MAP3K5: variants seen among roughly 807,000 people sequenced by gnomAD.
The protein encoded by MAP3K5 is ASK-1.
Under a neutral mutation model 158.7 loss-of-function variants are expected in MAP3K5, and 56 were observed. That is an observed-to-expected ratio of 0.35 (90% CI 0.28 to 0.44). MAP3K5 has a LOEUF of 0.44. MAP3K5 is among the 20% of genes least tolerant of loss of function. The pLI is 1.00. For missense variants in MAP3K5, 1,294 were observed against 1,674.8 expected, an observed-to-expected ratio of 0.77 and a Z score of 3.97; for synonymous variants, 579 against 601.7, an observed-to-expected ratio of 0.96 and a Z score of 0.55.
At chr6:136,642,060 T>TAAAATAAAATA (rs1777995364) in intron 12 of MAP3K5, among the ~76,000 whole-genome samples, 1 of 140,606 alleles carries the variant, frequency 7.1e-6, no homozygotes, top group Admixed American at 6.9e-5. Context: ...TAAAATAAAA[T>TAAAATAAAATA]AAAATAAAAT....
At chr6:136,649,820 C>G (rs1000935071) in intron 11 of MAP3K5, among the ~76,000 whole-genome samples, 3 of 152,196 alleles carry the variant, frequency 2.0e-5, no homozygotes, top group Admixed American at 2.0e-4. Context: ...TTTCATTTAA[C>G]CTTCACAACA....
intron 1 of MAP3K5, among the ~76,000 whole-genome samples, chr6:136,786,867 C>T (rs1486990949): frequency 2.0e-5 from 3 of 146,686 alleles, no homozygotes; most frequent in Admixed American, 6.9e-5. Context: ...TGCAGTAGCA[C>T]GATTTCAGCT....
At chr6:136,567,513 G>A (rs1008131128) in intron 26 of MAP3K5, 118 bp downstream of exon 26, 2 of 999,338 alleles carry the variant, frequency 2.0e-6, no homozygotes, top group Non-Finnish European at 2.9e-6. Flanking sequence ...TATAAAGAAA[G>A]GCATTCAATC....
chr6:136,656,371 A>C lies in MAP3K5; in HGVS notation c.1616T>G (p.Val539Gly), dbSNP rs1778747731. 2 of 1,613,830 alleles carry C rather than the reference A, an allele frequency of 1.2e-6. No homozygotes were observed. Among genetic ancestry groups the C allele is most frequent in the Non-Finnish European group, 1.7e-6 (2 of 1,179,836 alleles). Residue 539 changes from valine (V) to glycine (G), a missense_variant, in exon 10 of 30, where the codon GTG (valine) becomes GGG (glycine). By Grantham distance (109) the Val-to-Gly change is moderately radical. Around this residue, in one of 5 missense-constraint regions of MAP3K5, gnomAD observed 690 missense variants for 870.5 expected, o/e 0.79. Coordinates refer to ENST00000359015, the MANE Select transcript of MAP3K5 (RefSeq NM_005923.4). ...TEQPVAKQEL[V>G]DFWMDFLVEA... ...GACCAGGAAATCCATCCAAAAGTCC[A>C]CAAGTTCTTGCTTGGCCACAGGCTG...
At chr6:136,583,878 G>T in intron 23 of MAP3K5, 138 bp from the exon 24 acceptor site, 1 of 700,630 alleles carries the variant, frequency 1.4e-6, no homozygotes, top group Non-Finnish European at 2.3e-6. Flanking sequence ...GCCCAGGCTG[G>T]TCTCGAACTC....
chr6:136,680,886 G>A (rs1266533489), intron 7 of MAP3K5, among the ~76,000 whole-genome samples: 1 of 152,182 alleles, frequency 6.6e-6, no homozygotes, highest in Non-Finnish European at 1.5e-5. Context: ...CTCTGCAGGG[G>A]AGGAAGGGGC....
chr6:136,721,940 C>T (rs1292552996), intron 1 of MAP3K5, among the ~76,000 whole-genome samples: 1 of 152,128 alleles, frequency 6.6e-6, no homozygotes, highest in Non-Finnish European at 1.5e-5. Context: ...ATATATGTTT[C>T]ATAACAACTT....
At chr6:136,679,361 A>G (rs1416010276) in intron 7 of MAP3K5, among the ~76,000 whole-genome samples, 1 of 152,140 alleles carries the variant, frequency 6.6e-6, no homozygotes, top group Admixed American at 6.5e-5. Context: ...AGTTCTTGCT[A>G]TTTTTCCTTG....
intron 14 of MAP3K5, chr6:136,636,968 GC>G (rs1777666112): frequency 9.7e-7 from 1 of 1,035,884 alleles, no homozygotes; most frequent in African/African-American, 1.7e-5. Context: ...CCACAAGGGT[GC>G]TATCAACCAG....
At chr6:136,709,618 C>T (rs1451828753) in intron 2 of MAP3K5, among the ~76,000 whole-genome samples, 1 of 152,208 alleles carries the variant, frequency 6.6e-6, no homozygotes, top group Non-Finnish European at 1.5e-5. Context: ...CAAATGGCCA[C>T]TACTGGCTTA....
intron 1 of MAP3K5, 37 bp from the exon 2 acceptor site, chr6:136,720,626 C>G: frequency 6.4e-7 from 1 of 1,551,428 alleles, no homozygotes; most frequent in Non-Finnish European, 8.8e-7. Context: ...AAGAATGACA[C>G]CCAAATAATG....
intron 19 of MAP3K5, among the ~76,000 whole-genome samples, chr6:136,602,659 G>A (rs1378059710): frequency 6.6e-6 from 1 of 152,118 alleles, no homozygotes; most frequent in Non-Finnish European, 1.5e-5. Flanking sequence ...CATTGTGCTG[G>A]GGTTTCTCCA....
At position 136,697,255 on chromosome 6, in the gene MAP3K5, A is replaced by T; in HGVS notation, c.939T>A (p.Ile313=). The change falls in exon 5 of 30, where the codon ATT becomes ATA. Residue 313 remains isoleucine (I), a synonymous_variant. Transcript: ENST00000359015. ...TGTAGGAAAGTAACAGATTTATGAC[A>T]ATATCTGCTGTCAAGACTTCGATAT... ...VDNIEVLTAD[I]VINLLLSYRD... is the part of the protein sequence containing the mutation. The T allele has an allele frequency of 6.2e-7, 1 of 1,613,574 alleles. No individual in the cohort carries two copies.
intron 1 of MAP3K5, among the ~76,000 whole-genome samples, chr6:136,734,421 G>GAGA (rs1554307218): frequency 7.1e-5 from 4 of 56,734 alleles, no homozygotes. Context: ...CTCTGTCTCG[G>GAGA]AAAAAAAAAA....
intron 1 of MAP3K5, among the ~76,000 whole-genome samples, chr6:136,752,893 A>C (rs1332858306): frequency 6.6e-6 from 1 of 152,220 alleles, no homozygotes; most frequent in Non-Finnish European, 1.5e-5. Flanking sequence ...TTTAGAAGGC[A>C]GACTCTGCTC....
At chr6:136,731,143 G>C (rs1198392197) in intron 1 of MAP3K5, among the ~76,000 whole-genome samples, 1 of 152,114 alleles carries the variant, frequency 6.6e-6, no homozygotes, top group Non-Finnish European at 1.5e-5. Flanking sequence ...TGGCTAAAGG[G>C]GGCTTGAAGG....
At chr6:136,777,349 C>G (rs1402609792) in intron 1 of MAP3K5, among the ~76,000 whole-genome samples, 1 of 152,104 alleles carries the variant, frequency 6.6e-6, no homozygotes, top group Non-Finnish European at 1.5e-5. Flanking sequence ...GGAAACTGAC[C>G]AGGAGGTGTT....
Position 136,669,364 on chromosome 6 carries a change from G to C in MAP3K5, c.1285C>G (p.Leu429Val). The change falls in exon 8 of 30, where the codon CTA becomes GTA. Residue 429 changes from leucine (L) to valine (V), a missense_variant. By Grantham distance (32) the Leu-to-Val change is conservative (BLOSUM62 1). Transcript: ENST00000359015. ...FKKAFESEPT[L>V]QSGINYAVLL... ...ACCGCATAATTAATTCCTGACTGTAGTGTTGGCTCAGATTCAAATGCCTTT... is the reference window on the plus strand; with the variant it reads ...ACCGCATAATTAATTCCTGACTGTACTGTTGGCTCAGATTCAAATGCCTTT... 1 of 1,612,798 alleles carries C rather than the reference G, an allele frequency of 6.2e-7. No homozygotes were observed. The highest frequency in any genetic ancestry group is 1.1e-5 in the South Asian group (1 of 90,960).
At chr6:136,623,753 C>CCTTCACT (rs1776912816) in intron 14 of MAP3K5, among the ~76,000 whole-genome samples, 1 of 152,086 alleles carries the variant, frequency 6.6e-6, no homozygotes, top group Admixed American at 6.5e-5. Flanking sequence ...AAGGCATGTC[C>CCTTCACT]CTGTAGAAAC....
Sources: gnomAD v4.1 joint callset for allele counts (sites outside exome capture counted in the v4.1 genomes callset) on GRCh38, gnomAD v4.1.1 for gene constraint, gnomAD v4.1.1 regional missense constraint, MANE v1.5 for transcripts, NCBI Gene and HGNC (gene_info 2026-07-23, HGNC 2026-07-21) for gene names.